The following SMYD3 variants were observed in gnomAD, a reference collection of about 807,000 sequenced individuals.
The protein encoded by SMYD3 is SET and MYND domain containing 3, also known as histone-lysine N-methyltransferase SMYD3.
In SMYD3, 36 loss-of-function variants were observed where a neutral mutation model predicts 57.7. The ratio of observed to expected loss-of-function variants is 0.62; its 90% CI spans 0.48 to 0.82. The LOEUF is 0.82. Ranked by LOEUF, SMYD3 falls within the 40% of genes least tolerant of loss-of-function variation. The pLI, the probability that SMYD3 is intolerant of heterozygous loss-of-function variation, is 0.00. For synonymous variants in SMYD3, 211 were observed against 195.0 expected (o/e 1.08, Z -0.68); for missense variants, 515 against 538.8 (o/e 0.96, Z 0.44).
At chr1:245,914,641 G>A (rs1010474493) in intron 8 of SMYD3, among the ~76,000 whole-genome samples, 1 of 152,160 alleles carries the variant, frequency 6.6e-6, no homozygotes, top group Admixed American at 6.5e-5. Flanking sequence ...GTTGGTTAAT[G>A]AACACAAACT....
chr1:245,879,533 C>G (rs904456849), intron 8 of SMYD3, among the ~76,000 whole-genome samples: 1 of 152,156 alleles, frequency 6.6e-6, no homozygotes, highest in African/African-American at 2.4e-5. Context: ...CTGCTTCAAG[C>G]GTGTGAGAAA....
At chr1:246,497,179 T>A (rs566010825) in intron 1 of SMYD3, among the ~76,000 whole-genome samples, 2 of 152,188 alleles carry the variant, frequency 1.3e-5, no homozygotes, top group Non-Finnish European at 2.9e-5. Context: ...TCCCTCCAGA[T>A]CATACCAACT....
chr1:245,793,224 G>A (rs975941963), intron 10 of SMYD3, among the ~76,000 whole-genome samples: 13 of 151,704 alleles, frequency 8.6e-5, no homozygotes, highest in Non-Finnish European at 1.8e-4. Flanking sequence ...CAGGAGAATC[G>A]CTTGAACCCA....
chr1:245,798,764 T>G (rs1337477993), intron 10 of SMYD3, among the ~76,000 whole-genome samples: 1 of 152,114 alleles, frequency 6.6e-6, no homozygotes, highest in Non-Finnish European at 1.5e-5. Context: ...CTCTCTTATG[T>G]TGTTTGAATC....
At chr1:245,950,175 A>C (rs2057577431) in intron 5 of SMYD3, among the ~76,000 whole-genome samples, 1 of 152,170 alleles carries the variant, frequency 6.6e-6, no homozygotes, top group African/African-American at 2.4e-5. Context: ...ATTTTTATTA[A>C]GTAGTAAAAG....
chr1:245,915,968 T>C (rs1478041707), intron 7 of SMYD3, among the ~76,000 whole-genome samples: 1 of 152,160 alleles, frequency 6.6e-6, no homozygotes, highest in Non-Finnish European at 1.5e-5. Flanking sequence ...TAAGGTTTGC[T>C]AATAAATTCT....
At chr1:246,302,628 G>A (rs1039221850) in intron 5 of SMYD3, among the ~76,000 whole-genome samples, 1 of 152,134 alleles carries the variant, frequency 6.6e-6, no homozygotes, top group Non-Finnish European at 1.5e-5. Context: ...GGTTAGCTAA[G>A]TAGGCTGAGT....
At chr1:246,453,714 T>G (rs1430311790) in intron 1 of SMYD3, among the ~76,000 whole-genome samples, 2 of 152,208 alleles carry the variant, frequency 1.3e-5, no homozygotes, top group Non-Finnish European at 2.9e-5. Context: ...TTTCGCCACC[T>G]ACCTGGATCA....
At chr1:246,248,957 C>T (rs542568076) in intron 5 of SMYD3, among the ~76,000 whole-genome samples, 6 of 149,696 alleles carry the variant, frequency 4.0e-5, no homozygotes, top group African/African-American at 1.5e-4. Context: ...TGCCCAGCCG[C>T]TCTCTGACTT....
intron 5 of SMYD3, among the ~76,000 whole-genome samples, chr1:246,180,631 T>G (rs1033265147): frequency 2.7e-5 from 4 of 150,900 alleles, no homozygotes; most frequent in Admixed American, 2.6e-4. Context: ...TGGTGGTGGA[T>G]GCCTGTAGTC....
chr1:246,392,505 G>A (rs2148770353), intron 1 of SMYD3, among the ~76,000 whole-genome samples: 1 of 152,222 alleles, frequency 6.6e-6, no homozygotes, highest in South Asian at 2.1e-4. Context: ...TGCCCAGGCT[G>A]GAGTGCAGTG....
rs534797057 is a variant in SMYD3 at position 246,083,191 on chromosome 1, G to C, written c.532-153254C>G. Among the ~76,000 whole-genome samples, 206 of 152,048 alleles carry C rather than the reference G, an allele frequency of 1.4e-3. 1 individual carries two copies. The highest frequency in any genetic ancestry group is 6.0e-3 in the East Asian group (31 of 5,158). On this transcript the variant is annotated intron_variant, in intron 5 of 11. Transcript: ENST00000490107. ...AGAGGAAGGCATCTGTCTCCTGCTC[G>C]TCCCTGGGCAATGGAATGTCTCCGT... is the stretch of plus-strand genomic sequence containing the variant.
In SMYD3 at chr1:246,305,091, A is replaced by G. The variant is rs185032748; in HGVS notation, c.531+22110T>C. Among the ~76,000 whole-genome samples the G allele has an allele frequency of 4.3e-3, 654 of 152,356 alleles. 8 individuals carry two copies. The highest frequency in any genetic ancestry group is 0.014 in the Middle Eastern group (4 of 294). The stretch of plus-strand genomic sequence containing the variant: ...GTTACTTTACAATCTATTGCCTAAC[A>G]TAAGTCCCTTTTCCTGAGGTTGCCA... On this transcript the variant is annotated intron_variant, in intron 5 of 11. Coordinates refer to ENST00000490107, the MANE Select transcript of SMYD3 (RefSeq NM_001167740.2).
chr1:246,030,833 G>T (rs917163302), intron 5 of SMYD3, among the ~76,000 whole-genome samples: 2 of 152,146 alleles, frequency 1.3e-5, no homozygotes, highest in African/African-American at 4.8e-5. Context: ...CTTGACTACA[G>T]TTTTCAAACT....
At position 246,282,762 on chromosome 1, in the gene SMYD3, T is replaced by C. The variant is rs561766991; in HGVS notation, c.531+44439A>G. Among the ~76,000 whole-genome samples, 10 of 152,310 alleles carry C rather than the reference T, an allele frequency of 6.6e-5. No individual in the cohort carries two copies. The South Asian group carries it at 1.9e-3, about 28-fold the overall frequency. On this transcript the variant is annotated intron_variant, in intron 5 of 11. Transcript: ENST00000490107. ...CAGATGAGACTTCTGCTTCAACATA[T>C]GTTATGGGGAAAAATGATAAAAATT...
intron 5 of SMYD3, among the ~76,000 whole-genome samples, chr1:245,966,492 A>T (rs551443215): frequency 6.6e-6 from 1 of 152,356 alleles, no homozygotes; most frequent in Non-Finnish European, 1.5e-5. Context: ...TTCTAGCATA[A>T]CATGGTATGC....
chr1:246,144,048 C>G (rs1023574140), intron 5 of SMYD3, among the ~76,000 whole-genome samples: 1 of 152,206 alleles, frequency 6.6e-6, no homozygotes, highest in Non-Finnish European at 1.5e-5. Context: ...ATTTTCTTCT[C>G]CATTCCCTGA....
intron 5 of SMYD3, among the ~76,000 whole-genome samples, chr1:246,238,139 C>T (rs12126013): frequency 0.15 from 23,209 of 152,070 alleles, 2,353 homozygotes; most frequent in East Asian, 0.34. Flanking sequence ...TCTCGGCTCA[C>T]TGCAGCCTCA....
chr1:246,402,374 G>A (rs939130273), intron 1 of SMYD3, among the ~76,000 whole-genome samples: 15 of 151,228 alleles, frequency 9.9e-5, no homozygotes, highest in Non-Finnish European at 2.2e-4. Context: ...GATTAACAAC[G>A]CCATCTTAAA....
Sources: gnomAD v4.1 joint callset for allele counts (sites outside exome capture counted in the v4.1 genomes callset) on GRCh38, gnomAD v4.1.1 for gene constraint, MANE v1.5 for transcripts, NCBI Gene and HGNC (gene_info 2026-07-23, HGNC 2026-07-21) for gene names.